The following GAB2 variants were observed in gnomAD, a reference collection of about 807,000 sequenced individuals.
GAB2 encodes GRB2 associated binding protein 2, also known as GRB2-associated-binding protein 2.
In GAB2, 26 loss-of-function variants were observed where a neutral mutation model predicts 65.5. The observed-to-expected ratio is 0.40, with a 90% confidence interval of 0.29 to 0.55. The LOEUF (loss-of-function observed/expected upper bound fraction) is 0.55, where lower values mean the gene tolerates loss of function less well. Among genes scored for constraint, GAB2 ranks in the 20% least tolerant of loss-of-function variants. The probability of loss-of-function intolerance (pLI) is 0.53; values close to 1 mark genes in which losing one functional copy is unlikely to be tolerated. For missense variants in GAB2, 884 were observed against 875.8 expected (o/e 1.01, Z -0.12); for synonymous variants, 321 against 329.6 (o/e 0.97, Z 0.28).
intron 1 of GAB2, among the ~76,000 whole-genome samples, chr11:78,363,061 G>C (rs534509547): frequency 3.3e-4 from 50 of 152,262 alleles, no homozygotes; most frequent in South Asian, 8.3e-4. Flanking sequence ...ATATAAAAAA[G>C]ATGAGGCTCC....
Position 78,226,619 on chromosome 11 carries a change from G to GGGC in GAB2, c.1052_1053insGCC (p.Pro353dup). On this transcript the variant is annotated inframe_insertion, in exon 4 of 10. Transcript: ENST00000361507. ...GACTTGGCTTGGGGGGGCGGGGTGG[G>GGGC]GGAGCTATGGCTGAGTCCCCAGGAG... 1 of 952,240 alleles carries GGGC rather than the reference G, an allele frequency of 1.1e-6. No individual in the cohort carries two copies. The highest frequency in any genetic ancestry group is 1.6e-6 in the Non-Finnish European group (1 of 620,416). The allele number at this position is 952,240 out of a possible 1,614,324, so 59.0% of individuals were successfully genotyped here.
At position 78,220,390 on chromosome 11, in the gene GAB2, T is replaced by C. The variant is rs1565414714; in HGVS notation, c.1816A>G (p.Lys606Glu). ...TAATCAACGCTGCCGGTGCTCTTCTTAGGGGCAGGACTGTTCGTGCCACTG... is the reference window on the plus strand; with the variant it reads ...TAATCAACGCTGCCGGTGCTCTTCTCAGGGGCAGGACTGTTCGTGCCACTG... ...VPSGTNSPAP[K>E]KSTGSVDYLA... The change falls in exon 9 of 10, where the codon AAG becomes GAG. Residue 606 changes from lysine to glutamate, a missense_variant. Transcript: ENST00000361507. 3.1e-6 allele frequency: 5 copies of C among 1,612,552 alleles called. No homozygotes were observed. Among genetic ancestry groups the C allele is most frequent in the Non-Finnish European group, 4.2e-6 (5 of 1,178,974 alleles).
At chr11:78,300,212 T>C (rs1032282743) in intron 1 of GAB2, among the ~76,000 whole-genome samples, 1 of 152,130 alleles carries the variant, frequency 6.6e-6, no homozygotes, top group Non-Finnish European at 1.5e-5. Flanking sequence ...AATCATGCAG[T>C]ATATATTCTT....
chr11:78,402,892 C>T (rs1274496513), intron 1 of GAB2, among the ~76,000 whole-genome samples: 6 of 152,114 alleles, frequency 3.9e-5, no homozygotes, highest in African/African-American at 1.2e-4. Flanking sequence ...CTAAAGTGAC[C>T]GTATTAGGAG....
intron 7 of GAB2, 67 bp from the exon 8 acceptor site, chr11:78,221,846 G>C: frequency 3.5e-6 from 4 of 1,131,318 alleles, no homozygotes; most frequent in Non-Finnish European, 5.3e-6. Context: ...CTAGCCTCCA[G>C]CTGGGCCCTG....
chr11:78,255,232 C>T (rs779504027), intron 2 of GAB2, among the ~76,000 whole-genome samples: 18 of 152,048 alleles, frequency 1.2e-4, no homozygotes, highest in Non-Finnish European at 2.5e-4. Flanking sequence ...CAGGAACTAA[C>T]GGAAAGGTAG....
intron 2 of GAB2, among the ~76,000 whole-genome samples, chr11:78,265,656 G>C (rs11605100): frequency 1.3e-5 from 2 of 152,136 alleles, no homozygotes; most frequent in Non-Finnish European, 2.9e-5. Context: ...CTTCAGCCTA[G>C]TTAGTATATC....
Position 78,226,674 on chromosome 11 carries a change from T to A in GAB2, c.998A>T (p.Asp333Val), listed in dbSNP as rs911820996. ...CACTGTCATGGCATTGTGGTTTTTG[T>A]CCAGAGTGAATGTCCTAGGGATCTG... ...AYQIPRTFTL[D>V]KNHNAMTVAT... Residue 333 changes from aspartate to valine, a missense_variant, in exon 4 of 10, where the codon GAC (aspartate) becomes GTC (valine). By Grantham distance (152) the Asp-to-Val change is radical. Coordinates refer to ENST00000361507, the MANE Select transcript of GAB2 (RefSeq NM_080491.3). 6.2e-7 allele frequency: 1 copy of A among 1,614,036 alleles called. No homozygotes were observed. The highest frequency in any genetic ancestry group is 1.7e-5 in the Admixed American group (1 of 59,998).
At chr11:78,227,789 G>A (rs1424975635) in intron 3 of GAB2, among the ~76,000 whole-genome samples, 1 of 151,990 alleles carries the variant, frequency 6.6e-6, no homozygotes. Context: ...AACAGAATGA[G>A]ACCCTGTTTC....
chr11:78,277,886 A>C (rs1375225719), intron 2 of GAB2, among the ~76,000 whole-genome samples: 1 of 152,056 alleles, frequency 6.6e-6, no homozygotes, highest in African/African-American at 2.4e-5. Flanking sequence ...CTTTTTAATA[A>C]ACTTTCACCC....
chr11:78,372,879 T>C (rs1856589516), intron 1 of GAB2, among the ~76,000 whole-genome samples: 1 of 152,184 alleles, frequency 6.6e-6, no homozygotes, highest in Non-Finnish European at 1.5e-5. Context: ...CCCCTTTATC[T>C]TAAAAATTCT....
chr11:78,225,075 G>A (rs199899100), intron 5 of GAB2, 33 bp downstream of exon 5: 32 of 1,395,894 alleles, frequency 2.3e-5, no homozygotes, highest in East Asian at 4.6e-5. Flanking sequence ...TAACCAGGCC[G>A]GCCTGAGGAC....
At chr11:78,302,025 A>T (rs548092632) in intron 1 of GAB2, among the ~76,000 whole-genome samples, 175 of 152,346 alleles carry the variant, frequency 1.1e-3, no homozygotes, top group African/African-American at 4.0e-3. Context: ...CTCTCACCTT[A>T]TATAAAAATC....
intron 3 of GAB2, among the ~76,000 whole-genome samples, chr11:78,233,243 C>T (rs1198202019): frequency 6.6e-6 from 1 of 152,044 alleles, no homozygotes; most frequent in South Asian, 2.1e-4. Flanking sequence ...CCATGTTGCC[C>T]GGGCTGGTCT....
intron 1 of GAB2, among the ~76,000 whole-genome samples, chr11:78,290,307 G>T (rs569571827): frequency 5.4e-4 from 82 of 152,268 alleles, no homozygotes; most frequent in African/African-American, 1.9e-3. Context: ...TTTGTGTCTA[G>T]GATCAAGGGT....
At chr11:78,381,861 G>A (rs931364475) in intron 1 of GAB2, among the ~76,000 whole-genome samples, 9 of 152,132 alleles carry the variant, frequency 5.9e-5, no homozygotes, top group South Asian at 2.1e-4. Context: ...ACATATGTGA[G>A]GTCAGGCCAT....
chr11:78,281,107 C>A (rs1866322536), intron 1 of GAB2, among the ~76,000 whole-genome samples: 1 of 152,150 alleles, frequency 6.6e-6, no homozygotes, highest in East Asian at 1.9e-4. Flanking sequence ...ACGCACATCA[C>A]CACGCCCAGC....
chr11:78,386,061 T>A (rs571543195), intron 1 of GAB2, among the ~76,000 whole-genome samples: 2 of 152,346 alleles, frequency 1.3e-5, no homozygotes, highest in East Asian at 3.9e-4. Flanking sequence ...GTCAAGACTC[T>A]TAGACTCATT....
Position 78,250,217 on chromosome 11 carries a change from C to T in GAB2, c.560G>A (p.Ser187Asn), listed in dbSNP as rs148884100. 11 of 1,613,196 alleles carry T rather than the reference C, an allele frequency of 6.8e-6. No homozygotes were observed. Among genetic ancestry groups the T allele is most frequent in the Non-Finnish European group, 7.6e-6 (9 of 1,179,924 alleles). ...SNHMQPTLSTSAPQEYLYLHQ... is the reference protein window; with the variant it reads ...SNHMQPTLSTNAPQEYLYLHQ... The stretch of plus-strand genomic sequence containing the variant: ...CAAGTAGAGATACTCCTGAGGTGCG[C>T]TGGTGGACAAGGTGGGCTGCATGTG... Residue 187 changes from serine to asparagine, a missense_variant, in exon 3 of 10, where the codon AGC becomes AAC. Coordinates refer to ENST00000361507, the MANE Select transcript of GAB2 (RefSeq NM_080491.3).
Sources: allele counts gnomAD v4.1 joint callset (sites outside exome capture counted in the v4.1 genomes callset), GRCh38; gene constraint gnomAD v4.1.1; transcripts MANE v1.5; gene names NCBI Gene and HGNC (gene_info 2026-07-23, HGNC 2026-07-21).